LOC128462377: variants seen among roughly 807,000 people sequenced by gnomAD.
chr16:89,338,084 C>T, the LOC128462377 span, among the ~76,000 whole-genome samples: 1 of 152,190 alleles, frequency 6.6e-6, no homozygotes, highest in Non-Finnish European at 1.5e-5. Context: ...ACTCAGGAGC[C>T]CCAGGGGCCC....
At chr16:89,319,864 A>T in the LOC128462377 span, 1 of 152,580 alleles carries the variant, frequency 6.6e-6, no homozygotes, top group African/African-American at 2.4e-5. Context: ...GTTCTGTTCC[A>T]AGACTTGCCA....
At chr16:89,391,024 C>G in the LOC128462377 span, among the ~76,000 whole-genome samples, 85,200 of 151,678 alleles carry the variant, frequency 0.56, 24,040 homozygotes, top group Middle Eastern at 0.72. Flanking sequence ...GTCAGGAGAT[C>G]GAGACCATCC....
At chr16:89,404,361 A>G in the LOC128462377 span, among the ~76,000 whole-genome samples, 2 of 152,222 alleles carry the variant, frequency 1.3e-5, no homozygotes, top group Admixed American at 1.3e-4. Context: ...TTTTGTAATC[A>G]AAGGGCATGA....
chr16:89,384,964 C>A, the LOC128462377 span, among the ~76,000 whole-genome samples: 1 of 138,640 alleles, frequency 7.2e-6, no homozygotes, highest in East Asian at 2.2e-4. Context: ...CAGCTCACTG[C>A]AACCTCTGAC....
At chr16:89,323,142 C>G in the LOC128462377 span, 1 of 365,158 alleles carries the variant, frequency 2.7e-6, no homozygotes, top group South Asian at 2.1e-5. Context: ...AAGGGAGAAG[C>G]ACGGTCTCCA....
chr16:89,397,479 T>C, the LOC128462377 span, among the ~76,000 whole-genome samples: 2 of 152,216 alleles, frequency 1.3e-5, no homozygotes, highest in African/African-American at 4.8e-5. Flanking sequence ...GAAGCAGGCC[T>C]TCCCCGTGGC....
the LOC128462377 span, among the ~76,000 whole-genome samples, chr16:89,399,320 G>A: frequency 4.6e-5 from 7 of 152,202 alleles, no homozygotes; most frequent in Non-Finnish European, 8.8e-5. Flanking sequence ...AACACCCGGC[G>A]TCCATCCAGA....
At chr16:89,384,524 AGGATGGGATGGGACTG>A in the LOC128462377 span, among the ~76,000 whole-genome samples, 2 of 129,490 alleles carry the variant, frequency 1.5e-5, no homozygotes, top group East Asian at 4.8e-4. Context: ...GACATGGAAC[AGGATGGGATGGGACTG>A]GGATGGGATG....
chr16:89,378,003 CCTT>C, the LOC128462377 span, among the ~76,000 whole-genome samples: 5 of 152,026 alleles, frequency 3.3e-5, no homozygotes, highest in East Asian at 1.9e-4. Context: ...CTTAACAACA[CCTT>C]CTTTTCTCTA....
chr16:89,383,420 GAGAATGTGAGTTC>G, the LOC128462377 span, among the ~76,000 whole-genome samples: 4 of 152,224 alleles, frequency 2.6e-5, no homozygotes, highest in Non-Finnish European at 5.9e-5. Context: ...CACACTCTGG[GAGAATGTGAGTTC>G]AGAAAGGCGC....
chr16:89,330,226 G>A, the LOC128462377 span, among the ~76,000 whole-genome samples: 1 of 152,022 alleles, frequency 6.6e-6, no homozygotes, highest in Non-Finnish European at 1.5e-5. Flanking sequence ...GTCCGGTCAG[G>A]GGCAGGACAC....
At chr16:89,325,555 A>G in the LOC128462377 span, among the ~76,000 whole-genome samples, 5 of 152,184 alleles carry the variant, frequency 3.3e-5, no homozygotes, top group East Asian at 9.6e-4. Flanking sequence ...GAAAATAGCA[A>G]CTACAGTACT....
At chr16:89,380,693 G>C in the LOC128462377 span, among the ~76,000 whole-genome samples, 2 of 152,356 alleles carry the variant, frequency 1.3e-5, no homozygotes, top group African/African-American at 2.4e-5. Flanking sequence ...AGGAAAGCCT[G>C]ACGAGTACCT....
the LOC128462377 span, among the ~76,000 whole-genome samples, chr16:89,415,008 G>T: frequency 6.6e-6 from 1 of 152,128 alleles, no homozygotes; most frequent in South Asian, 2.1e-4. Context: ...GCAGTGGTGT[G>T]ATCATAGCTC....
the LOC128462377 span, among the ~76,000 whole-genome samples, chr16:89,397,484 C>T: frequency 2.8e-3 from 421 of 152,372 alleles, 3 homozygotes; most frequent in African/African-American, 9.7e-3. Flanking sequence ...AGGCCTTCCC[C>T]GTGGCGGGCC....
At chr16:89,417,852 G>C in the LOC128462377 span, among the ~76,000 whole-genome samples, 2 of 152,012 alleles carry the variant, frequency 1.3e-5, no homozygotes, top group Non-Finnish European at 2.9e-5. Context: ...AGACCACCAG[G>C]ATCCTAACGA....
the LOC128462377 span, among the ~76,000 whole-genome samples, chr16:89,351,055 C>T: frequency 2.4e-3 from 364 of 152,274 alleles, 3 homozygotes; most frequent in African/African-American, 7.8e-3. Context: ...ATGCATCCCC[C>T]GACCGCTATT....
chr16:89,369,972 G>C, the LOC128462377 span, among the ~76,000 whole-genome samples: 1 of 152,178 alleles, frequency 6.6e-6, no homozygotes, highest in Non-Finnish European at 1.5e-5. Flanking sequence ...CCAGCTGCAG[G>C]ATGGAAGCTC....
At chr16:89,371,495 T>C in the LOC128462377 span, among the ~76,000 whole-genome samples, 1 of 152,048 alleles carries the variant, frequency 6.6e-6, no homozygotes, top group Non-Finnish European at 1.5e-5. Context: ...GCCCAGGCTA[T>C]GTGGTCTGTA....
Sources: gnomAD v4.1 joint callset for allele counts (sites outside exome capture counted in the v4.1 genomes callset) on GRCh38, gnomAD v4.1.1 for gene constraint, MANE v1.5 for transcripts.